Variants in ADAMTS6 observed in about 807,000 individuals in gnomAD.
The protein encoded by ADAMTS6 is ADAM metallopeptidase with thrombospondin type 1 motif 6.
ADAMTS6 carries 23 observed loss-of-function variants against 144.3 expected under a neutral mutation model. The observed-to-expected ratio is 0.16, with a 90% CI of 0.11 to 0.23. The LOEUF is 0.23. Among genes scored for constraint, ADAMTS6 ranks in the 10% least tolerant of loss-of-function variants. The pLI is 1.00. For synonymous variants in ADAMTS6, 444 were observed against 457.5 expected (o/e 0.97, Z 0.38); for missense variants, 999 against 1,379.6 (o/e 0.72, Z 4.37).
intron 7 of ADAMTS6, among the ~76,000 whole-genome samples, chr5:65,403,196 T>G (rs2150167902): frequency 6.6e-6 from 1 of 152,260 alleles, no homozygotes; most frequent in South Asian, 2.1e-4. Context: ...TCTCTTTCTA[T>G]CTAACTAGCT....
intron 15 of ADAMTS6, among the ~76,000 whole-genome samples, chr5:65,238,007 G>A (rs1561314102): frequency 1.3e-5 from 2 of 151,894 alleles, no homozygotes; most frequent in African/African-American, 4.8e-5. Flanking sequence ...GGATGCTTGA[G>A]CCCAGGAGGT....
chr5:65,383,576 C>A (rs1032638417), intron 7 of ADAMTS6, among the ~76,000 whole-genome samples: 3 of 152,072 alleles, frequency 2.0e-5, no homozygotes, highest in African/African-American at 7.2e-5. Flanking sequence ...TCCAGGCAAT[C>A]CTACTCTCAA....
chr5:65,387,610 G>A (rs144821241), intron 7 of ADAMTS6, among the ~76,000 whole-genome samples: 35 of 152,282 alleles, frequency 2.3e-4, no homozygotes, highest in African/African-American at 7.9e-4. Flanking sequence ...GTAATAATCA[G>A]CGGTTTTACA....
chr5:65,473,938 T>C lies in ADAMTS6; in HGVS notation c.-265A>G. 2.3e-6 allele frequency: 1 copy of C among 438,692 alleles called. No individual in the cohort carries two copies. The highest frequency in any genetic ancestry group is 4.0e-6 in the Non-Finnish European group (1 of 248,986). 27.2% of individuals were successfully genotyped at this position (438,692 alleles called of 1,614,324 possible). On this transcript the variant is annotated 5_prime_UTR_variant, in exon 2 of 25. Transcript: ENST00000381055. ...ATTAGGCTGATTAGTTACTAAAGTATGGCCATTTTTTAACCTAGAAAAAAA... is the reference window on the plus strand; with the variant it reads ...ATTAGGCTGATTAGTTACTAAAGTACGGCCATTTTTTAACCTAGAAAAAAA...
intron 7 of ADAMTS6, among the ~76,000 whole-genome samples, chr5:65,381,950 A>G (rs1752082483): frequency 1.3e-5 from 2 of 152,238 alleles, no homozygotes; most frequent in South Asian, 4.1e-4. Flanking sequence ...ATGAATCACA[A>G]TAATATAATT....
At chr5:65,197,345 C>T (rs1755454557) in intron 20 of ADAMTS6, among the ~76,000 whole-genome samples, 194 bp from the exon 21 acceptor site, 1 of 152,138 alleles carries the variant, frequency 6.6e-6, no homozygotes, top group South Asian at 2.1e-4. Context: ...TTATTTTTCT[C>T]ATATTTAGAA....
chr5:65,221,290 A>G (rs1757308812), intron 18 of ADAMTS6, among the ~76,000 whole-genome samples: 1 of 152,226 alleles, frequency 6.6e-6, no homozygotes, highest in African/African-American at 2.4e-5. Flanking sequence ...GAGTAATAAT[A>G]GATCATGAAA....
At chr5:65,374,928 C>G (rs1325395088) in intron 7 of ADAMTS6, among the ~76,000 whole-genome samples, 1 of 152,102 alleles carries the variant, frequency 6.6e-6, no homozygotes, top group African/African-American at 2.4e-5. Flanking sequence ...ATCAATGGAA[C>G]AGAACAGAGC....
rs147116729 is a variant in ADAMTS6, at chr5:65,241,696, CAG to C, written c.1933+406_1933+407del. On this transcript the variant is annotated intron_variant, in intron 15 of 24. Transcript: ENST00000381055. ...CTTGGCCTTTGACTAAGCAACGACACAGAGTTTCCTGATTTATATTCTTATAA... is the reference window on the plus strand; with the variant it reads ...CTTGGCCTTTGACTAAGCAACGACACAGTTTCCTGATTTATATTCTTATAA... Among the ~76,000 whole-genome samples the C allele has an allele frequency of 4.8e-4, 73 of 152,264 alleles. No homozygotes were observed. The East Asian group carries it at 0.013, about 28-fold the overall frequency.
intron 7 of ADAMTS6, among the ~76,000 whole-genome samples, chr5:65,374,636 C>A (rs1454851055): frequency 1.3e-5 from 2 of 152,188 alleles, no homozygotes; most frequent in African/African-American, 4.8e-5. Flanking sequence ...AAGAACATTG[C>A]ATGCTCATGG....
chr5:65,227,788 T>C (rs1757837506), intron 15 of ADAMTS6, among the ~76,000 whole-genome samples: 1 of 152,196 alleles, frequency 6.6e-6, no homozygotes, highest in Non-Finnish European at 1.5e-5. Context: ...AAACTTAATT[T>C]TTTTTTCCAT....
chr5:65,263,040 G>A (rs1761330053), intron 12 of ADAMTS6, 78 bp from the exon 13 acceptor site: 1 of 1,556,568 alleles, frequency 6.4e-7, no homozygotes, highest in Admixed American at 1.7e-5. Context: ...TAAGGGTCAG[G>A]TACTGACCAA....
intron 7 of ADAMTS6, among the ~76,000 whole-genome samples, chr5:65,343,978 T>C (rs1168311977): frequency 6.6e-6 from 1 of 151,998 alleles, no homozygotes; most frequent in Non-Finnish European, 1.5e-5. Context: ...ATCGTCATGC[T>C]TTTGCTGATA....
chr5:65,334,404 T>C (rs1001579799), intron 7 of ADAMTS6, among the ~76,000 whole-genome samples: 1 of 152,232 alleles, frequency 6.6e-6, no homozygotes, highest in Non-Finnish European at 1.5e-5. Flanking sequence ...TGCAGACTGT[T>C]ACTACTTCTG....
At chr5:65,471,523 A>G (rs1760433200) in intron 2 of ADAMTS6, among the ~76,000 whole-genome samples, 1 of 152,180 alleles carries the variant, frequency 6.6e-6, no homozygotes, top group Non-Finnish European at 1.5e-5. Context: ...TATCCAAAAA[A>G]GAATCTCTAT....
chr5:65,312,733 A>G (rs780203313), intron 9 of ADAMTS6, among the ~76,000 whole-genome samples: 8 of 152,184 alleles, frequency 5.3e-5, no homozygotes, highest in Non-Finnish European at 7.4e-5. Context: ...AGAAAGTACC[A>G]TAATTTATTT....
intron 15 of ADAMTS6, among the ~76,000 whole-genome samples, chr5:65,240,313 A>C (rs1759062972): frequency 6.6e-6 from 1 of 152,138 alleles, no homozygotes; most frequent in African/African-American, 2.4e-5. Context: ...TAGATCTCAA[A>C]AACATTAGGC....
chr5:65,425,131 G>C (rs2150205971), intron 7 of ADAMTS6, among the ~76,000 whole-genome samples: 1 of 152,112 alleles, frequency 6.6e-6, no homozygotes, highest in East Asian at 1.9e-4. Context: ...CAAGTAGCTG[G>C]GATTACAGGC....
At chr5:65,233,830 T>C (rs1301484838) in intron 15 of ADAMTS6, among the ~76,000 whole-genome samples, 1 of 152,028 alleles carries the variant, frequency 6.6e-6, no homozygotes, top group Admixed American at 6.6e-5. Flanking sequence ...ACAGCAATCT[T>C]GAGCAAGAAC....
Sources: allele counts gnomAD v4.1 joint callset (sites outside exome capture counted in the v4.1 genomes callset), GRCh38; gene constraint gnomAD v4.1.1; transcripts MANE v1.5; gene names NCBI Gene and HGNC (gene_info 2026-07-23, HGNC 2026-07-21).